The following TAAR2 variants were observed in gnomAD, a reference collection of about 807,000 sequenced individuals.
TAAR2 encodes trace amine-associated receptor 2.
TAAR2 carries 30 observed loss-of-function variants against 25.5 expected under a neutral mutation model. That is an observed-to-expected ratio of 1.18 (90% CI 0.88 to 1.60). The LOEUF (loss-of-function observed/expected upper bound fraction) is 1.60. TAAR2 is among the 40% of genes most tolerant of loss of function. The pLI, the probability that TAAR2 is intolerant of heterozygous loss-of-function variation, is 0.00. For synonymous variants in TAAR2, 150 were observed against 142.4 expected, an observed-to-expected ratio of 1.05 and a Z score of -0.38; for missense variants, 481 against 416.5, an observed-to-expected ratio of 1.15 and a Z score of -1.35.
chr6:132,622,509 G>A (rs1243158279), intron 1 of TAAR2, among the ~76,000 whole-genome samples: 10 of 69,482 alleles, frequency 1.4e-4, no homozygotes, highest in South Asian at 1.3e-3. Context: ...TTTTTGAGGC[G>A]GAGTCTCCCT....
chr6:132,623,879 C>A (rs529797388), intron 1 of TAAR2, among the ~76,000 whole-genome samples: 26 of 152,046 alleles, frequency 1.7e-4, no homozygotes, highest in African/African-American at 6.0e-4. Context: ...CAAATCTGAG[C>A]CCTTGAGTTA....
Position 132,617,257 on chromosome 6 carries a change from A to T in TAAR2, c.949T>A (p.Phe317Ile). ...GCTCTGCGAAACCAGGGATAGAAGA[A>T]ACCATATATTAACGGATTACATGTG... Reference protein sequence around the residue: ...NSTCNPLIYGFFYPWFRRALK... With the variant: ...NSTCNPLIYGIFYPWFRRALK... Residue 317 changes from phenylalanine to isoleucine, a missense_variant, in exon 2 of 2, where the codon TTC becomes ATC. By Grantham distance (21) the Phe-to-Ile change is conservative. Coordinates refer to ENST00000367931, the MANE Select transcript of TAAR2 (RefSeq NM_001033080.1). 1 of 1,613,766 alleles carries T rather than the reference A, an allele frequency of 6.2e-7. No homozygotes were observed. Among genetic ancestry groups the T allele is most frequent in the East Asian group, 2.2e-5 (1 of 44,736 alleles).
At chr6:132,622,786 G>C (rs1249769346) in intron 1 of TAAR2, among the ~76,000 whole-genome samples, 2 of 151,946 alleles carry the variant, frequency 1.3e-5, no homozygotes, top group Non-Finnish European at 2.9e-5. Context: ...ACCCTGCCTA[G>C]TAACCACTTT....
Position 132,618,545 on chromosome 6 carries a change from C to A in TAAR2, c.61-400G>T, listed in dbSNP as rs562790202. ...ATCCCAGCTACTCGGGAGGCTGAGG[C>A]AGCAGAATCGCTGGAACCCAGGAGG... On this transcript the variant is annotated intron_variant, in intron 1 of 1. Transcript: ENST00000367931. 5.9e-5 allele frequency among the ~76,000 whole-genome samples: 9 copies of A among 152,060 alleles called. No homozygotes were observed. The South Asian group carries it at 1.9e-3, about 32-fold the overall frequency.
chr6:132,617,673 A>C lies in TAAR2; in HGVS notation c.533T>G (p.Val178Gly). ...ATCTGCATAGGCCTCTGAGAAGACCACCCCGAAGGCAAATGCTCCAGGGAC... is the reference window on the plus strand; with the variant it reads ...ATCTGCATAGGCCTCTGAGAAGACCCCCCCGAAGGCAAATGCTCCAGGGAC... ...WSVPGAFAFG[V>G]VFSEAYADGI... Residue 178 changes from valine (V) to glycine (G), a missense_variant, in exon 2 of 2, where the codon GTG becomes GGG. Physicochemically the swap from Val to Gly is moderately radical, Grantham distance 109 (BLOSUM62 -3). Transcript: ENST00000367931. 1 of 1,613,898 alleles carries C rather than the reference A, an allele frequency of 6.2e-7. No individual in the cohort carries two copies. Among genetic ancestry groups the C allele is most frequent in the Non-Finnish European group, 8.5e-7 (1 of 1,179,970 alleles).
chr6:132,618,181 A>G (rs1777327115), intron 1 of TAAR2, 36 bp from the exon 2 acceptor site: 1 of 1,519,590 alleles, frequency 6.6e-7, no homozygotes. Flanking sequence ...TTTTGTCAGA[A>G]TATAAATATT....
intron 1 of TAAR2, among the ~76,000 whole-genome samples, chr6:132,620,576 T>C (rs1777358300): frequency 6.6e-6 from 1 of 152,012 alleles, no homozygotes; most frequent in Admixed American, 6.6e-5. Context: ...TGAGAACTTA[T>C]GAACACAAAG....
chr6:132,620,249 C>T (rs570386405), intron 1 of TAAR2, among the ~76,000 whole-genome samples: 418 of 152,322 alleles, frequency 2.7e-3, no homozygotes, highest in African/African-American at 9.5e-3. Flanking sequence ...TCCCCACTTG[C>T]AGAGAACTAA....
At chr6:132,618,939 T>TCCTCTCTC (rs1777337804) in intron 1 of TAAR2, among the ~76,000 whole-genome samples, 2 of 152,212 alleles carry the variant, frequency 1.3e-5, no homozygotes, top group African/African-American at 4.8e-5. Flanking sequence ...TGTGCTGTGT[T>TCCTCTCTC]TTGTTTTATT....
intron 1 of TAAR2, among the ~76,000 whole-genome samples, chr6:132,619,201 G>A (rs911076037): frequency 6.6e-6 from 1 of 152,114 alleles, no homozygotes; most frequent in African/African-American, 2.4e-5. Flanking sequence ...ATGAGCAGAG[G>A]GCTAGAGAAC....
Position 132,617,161 on chromosome 6 carries a change from C to A in TAAR2, c.1045G>T (p.Glu349Ter), listed in dbSNP as rs1313592507. Residue 349 changes from glutamate (E) to a stop codon, truncating the protein, a stop_gained, in exon 2 of 2, where the codon GAA becomes TAA. Transcript: ENST00000367931. LOFTEE classifies it high-confidence loss of function. ...CATGCAGAAAAAGCCTACTCACTTT[C>A]TTTTTGCATACACAAAATAGTATTA... ...FHNTILCMQK[E>*]SE 4 of 1,578,352 alleles carry A rather than the reference C, an allele frequency of 2.5e-6. No homozygotes were observed. Among genetic ancestry groups the A allele is most frequent in the Non-Finnish European group, 3.4e-6 (4 of 1,168,788 alleles).
At chr6:132,618,326 T>C (rs1216046587) in intron 1 of TAAR2, 181 bp from the exon 2 acceptor site, 8 of 763,786 alleles carry the variant, frequency 1.0e-5, no homozygotes, top group African/African-American at 5.4e-5. Flanking sequence ...TTTTGTAGAA[T>C]TGTAACCTAA....
At chr6:132,622,071 T>C (rs1483831175) in intron 1 of TAAR2, among the ~76,000 whole-genome samples, 7 of 152,130 alleles carry the variant, frequency 4.6e-5, no homozygotes, top group Admixed American at 2.0e-4. Flanking sequence ...CATCTATAGA[T>C]ACATGGATTG....
At position 132,617,689 on chromosome 6, in the gene TAAR2, C is replaced by T. The variant is rs1476609259; in HGVS notation, c.517G>A (p.Ala173Thr). ...LLLLCWSVPG[A>T]FAFGVVFSEA... ...GAGAAGACCACCCCGAAGGCAAATG[C>T]TCCAGGGACCGACCAACATAGAAGT... Residue 173 changes from alanine to threonine, a missense_variant, in exon 2 of 2, where the codon GCA becomes ACA. Ala to Thr is a moderately conservative substitution (Grantham distance 58). Transcript: ENST00000367931. 6.2e-7 allele frequency: 1 copy of T among 1,613,928 alleles called. No individual in the cohort carries two copies. The highest frequency in any genetic ancestry group is 8.5e-7 in the Non-Finnish European group (1 of 1,179,988).
At position 132,617,248 on chromosome 6, in the gene TAAR2, G is replaced by A; in HGVS notation, c.958C>T (p.Pro320Ser). Residue 320 changes from proline (P) to serine (S), a missense_variant, in exon 2 of 2, where the codon CCC becomes TCC. Transcript: ENST00000367931. ...TACTTCAGTGCTCTGCGAAACCAGGGATAGAAGAAACCATATATTAACGGA... is the reference window on the plus strand; with the variant it reads ...TACTTCAGTGCTCTGCGAAACCAGGAATAGAAGAAACCATATATTAACGGA... Reference protein sequence around the residue: ...CNPLIYGFFYPWFRRALKYIL... With the variant: ...CNPLIYGFFYSWFRRALKYIL... 1 of 1,613,580 alleles carries A rather than the reference G, an allele frequency of 6.2e-7. No homozygotes were observed. The highest frequency in any genetic ancestry group is 8.5e-7 in the Non-Finnish European group (1 of 1,179,874).
rs199700205 is a variant in TAAR2, at chr6:132,624,216, C to G, written c.60G>C (p.Lys20Asn). The change falls in exon 1 of 2, where the codon AAG (lysine) becomes AAC (asparagine). Residue 20 changes from lysine (K) to asparagine (N), a missense_variant and splice_region_variant. Transcript: ENST00000367931. ...CTTAGTCATATGTTTAAGGGCCTAC[C>G]TTTTTTGTCTGTGTTCTTTTGAAAT... ...LSHFKRTQTK[K>N]EKFNCSEYGN... 2.0e-5 allele frequency: 32 copies of G among 1,613,198 alleles called. No individual in the cohort carries two copies. The highest frequency in any genetic ancestry group is 2.6e-5 in the Non-Finnish European group (31 of 1,179,604).
Position 132,618,149 on chromosome 6 carries a change from C to T in TAAR2, c.61-4G>A. 1 of 1,554,410 alleles carries T rather than the reference C, an allele frequency of 6.4e-7. No homozygotes were observed. The highest frequency in any genetic ancestry group is 8.7e-7 in the Non-Finnish European group (1 of 1,154,674). ...ATTCAGAGCAATTGAATTTTTCCTT[C>T]AAAAAACAAGAACAGATAGAATTTT... On this transcript the variant is annotated splice_polypyrimidine_tract_variant and splice_region_variant and intron_variant, in intron 1 of 1. Transcript: ENST00000367931.
intron 1 of TAAR2, among the ~76,000 whole-genome samples, chr6:132,621,244 A>T (rs1777368605): frequency 6.6e-6 from 1 of 152,036 alleles, no homozygotes; most frequent in African/African-American, 2.4e-5. Flanking sequence ...CAACAACAGT[A>T]CTTTTTTTTC....
At chr6:132,621,052 A>C (rs1777365182) in intron 1 of TAAR2, among the ~76,000 whole-genome samples, 1 of 136,082 alleles carries the variant, frequency 7.3e-6, no homozygotes, top group Admixed American at 6.8e-5. Flanking sequence ...AAAAGAAAAA[A>C]GGATTTCTGA....
Sources: allele counts gnomAD v4.1 joint callset (sites outside exome capture counted in the v4.1 genomes callset), GRCh38; gene constraint gnomAD v4.1.1; transcripts MANE v1.5; gene names NCBI Gene and HGNC (gene_info 2026-07-23, HGNC 2026-07-21).